BOK: variants seen among roughly 807,000 people sequenced by gnomAD.
BOK encodes the protein BCL2 family apoptosis regulator BOK.
A neutral mutation model predicts 18.3 loss-of-function variants in BOK; 20 were observed. The ratio of observed to expected loss-of-function variants is 1.09; its 90% CI spans 0.77 to 1.59. BOK has a LOEUF of 1.59. Ranked by LOEUF, BOK falls within the 40% of genes most tolerant of loss-of-function variation. The probability of loss-of-function intolerance (pLI) is 0.00; values close to 1 mark genes in which losing one functional copy is unlikely to be tolerated. For synonymous variants in BOK, 173 were observed against 142.4 expected (o/e 1.21, Z -1.53); for missense variants, 348 against 307.9 (o/e 1.13, Z -0.97).
chr2:241,551,646 C>G (rs1321043337), intron 1 of BOK, among the ~76,000 whole-genome samples: 1 of 151,516 alleles, frequency 6.6e-6, no homozygotes, highest in Non-Finnish European at 1.5e-5. Flanking sequence ...CTGCTGTTGG[C>G]TGAGTCCACT....
intron 2 of BOK, among the ~76,000 whole-genome samples, chr2:241,561,991 T>C (rs1221891749): frequency 6.6e-6 from 1 of 152,200 alleles, no homozygotes; most frequent in African/African-American, 2.4e-5. Flanking sequence ...TCCCTCCTGC[T>C]CTGGGCAGCT....
At chr2:241,569,629 G>A (rs527799087) in intron 3 of BOK, among the ~76,000 whole-genome samples, 1 of 152,056 alleles carries the variant, frequency 6.6e-6, no homozygotes, top group South Asian at 2.1e-4. Context: ...TTGAGGCGTC[G>A]TGTCCTGCCT....
Position 241,559,659 on chromosome 2 carries a change from T to TCCCGGGACGCCTGGCTGAGGTGTGCG in BOK, c.178_203dup (p.Val69ArgfsTer20), listed in dbSNP as rs1262667751. 1 of 1,384,398 alleles carries TCCCGGGACGCCTGGCTGAGGTGTGCG rather than the reference T, an allele frequency of 7.2e-7. No homozygotes were observed. Among genetic ancestry groups the TCCCGGGACGCCTGGCTGAGGTGTGCG allele is most frequent in the East Asian group, 3.0e-5 (1 of 33,002 alleles). The allele number at this position is 1,384,398 out of a possible 1,614,324, so 85.8% of individuals were successfully genotyped here. ...AGCGCGCCCGAGCGTGCCGCGCCGG[T>TCCCGGGACGCCTGGCTGAGGTGTGCG]CCCGGGACGCCTGGCTGAGGTGTGC... On this transcript the variant is annotated frameshift_variant, in exon 2 of 5. Coordinates refer to ENST00000318407, the MANE Select transcript of BOK (RefSeq NM_032515.5). LOFTEE classifies it high-confidence loss of function.
At chr2:241,564,777 C>A (rs533245465) in intron 3 of BOK, among the ~76,000 whole-genome samples, 3 of 152,158 alleles carry the variant, frequency 2.0e-5, no homozygotes, top group Admixed American at 6.5e-5. Flanking sequence ...GACGCCGGCG[C>A]GTGGGTGGCC....
At position 241,565,621 on chromosome 2, in the gene BOK, C is replaced by T. The variant is rs114604845; in HGVS notation, c.349+3145C>T. On this transcript the variant is annotated intron_variant, in intron 3 of 4. Coordinates refer to ENST00000318407, the MANE Select transcript of BOK (RefSeq NM_032515.5). ...CTTAGCAGGCGCCCTTGAGGGTGTG[C>T]GCCCTGCCCAGCCCCTCCACTGCAG... Among the ~76,000 whole-genome samples, 997 of 152,308 alleles carry T rather than the reference C, an allele frequency of 6.5e-3. 15 individuals carry two copies. Among genetic ancestry groups the T allele is most frequent in the African/African-American group, 0.023 (941 of 41,564 alleles).
At position 241,570,117 on chromosome 2, in the gene BOK, C is replaced by T; in HGVS notation, c.350-8C>T. 2 of 1,610,408 alleles carry T rather than the reference C, an allele frequency of 1.2e-6. No individual in the cohort carries two copies. The highest frequency in any genetic ancestry group is 1.7e-6 in the Non-Finnish European group (2 of 1,178,894). Reference sequence around the variant, plus strand: ...AAGTCCTGATCTTGACCATCTCTCTCCCTGCAGGCATCACGTGGGGCAAGG... The same window carrying T: ...AAGTCCTGATCTTGACCATCTCTCTTCCTGCAGGCATCACGTGGGGCAAGG... On this transcript the variant is annotated splice_region_variant and splice_polypyrimidine_tract_variant and intron_variant, in intron 3 of 4. Coordinates refer to ENST00000318407, the MANE Select transcript of BOK (RefSeq NM_032515.5).
At chr2:241,560,302 C>G (rs2066507661) in intron 2 of BOK, 7 of 980,416 alleles carry the variant, frequency 7.1e-6, no homozygotes, top group Non-Finnish European at 8.5e-6. Flanking sequence ...CCCACTGTGA[C>G]TGTCCAGTCC....
In BOK at chr2:241,562,237, G is replaced by A; in HGVS notation, c.221-111G>A. The stretch of plus-strand genomic sequence containing the variant: ...GAATCAGACAAGTGAGGAACAGGCT[G>A]GAATTCAAGCATGGTCAGGTGGGGG... On this transcript the variant is annotated intron_variant, in intron 2 of 4. Coordinates refer to ENST00000318407, the MANE Select transcript of BOK (RefSeq NM_032515.5). This position sits in a 1 kb window ranked among gnomAD's most constrained non-coding sequence, Gnocchi z 4.5. The A allele has an allele frequency of 7.3e-7, 1 of 1,366,468 alleles. No homozygotes were observed. Among genetic ancestry groups the A allele is most frequent in the Non-Finnish European group, 9.8e-7 (1 of 1,016,932 alleles). 84.6% of individuals were successfully genotyped at this position (1,366,468 alleles called of 1,614,324 possible).
rs866805421 is a variant in BOK at position 241,569,323 on chromosome 2, C to G, written c.350-802C>G. On this transcript the variant is annotated intron_variant, in intron 3 of 4. Transcript: ENST00000318407. ...ATTTTTTGTGTATTTTTAGTAGAGA[C>G]GGTTTCACCATGTTGGTCAGGCTGC... 1.4e-3 allele frequency among the ~76,000 whole-genome samples: 214 copies of G among 151,888 alleles called. 1 individual carries two copies. The highest frequency in any genetic ancestry group is 4.8e-3 in the African/African-American group (200 of 41,408).
chr2:241,571,486 G>A (rs975231525), intron 4 of BOK, among the ~76,000 whole-genome samples: 4 of 152,190 alleles, frequency 2.6e-5, no homozygotes, highest in Non-Finnish European at 5.9e-5. Flanking sequence ...AGGTCACGTG[G>A]TCTGCGGGGG....
chr2:241,556,450 G>C (rs970554556), upstream of BOK, among the ~76,000 whole-genome samples: 9 of 152,176 alleles, frequency 5.9e-5, no homozygotes, highest in Non-Finnish European at 1.2e-4. Flanking sequence ...CGGGCGTGGT[G>C]TCAGGTGCCT....
intron 2 of BOK, among the ~76,000 whole-genome samples, 191 bp downstream of exon 2, chr2:241,559,894 C>T (rs1434357426): frequency 1.3e-5 from 2 of 152,234 alleles, no homozygotes; most frequent in African/African-American, 4.8e-5. Flanking sequence ...GCCACAGGCC[C>T]CCCCATCAGC....
intron 1 of BOK, among the ~76,000 whole-genome samples, chr2:241,552,591 C>T (rs1353387972): frequency 3.3e-5 from 5 of 152,330 alleles, no homozygotes; most frequent in East Asian, 3.9e-4. Flanking sequence ...CTGAACCCTC[C>T]GTTCCCCGCC....
chr2:241,566,534 C>T (rs1164901485), intron 3 of BOK, among the ~76,000 whole-genome samples: 2 of 152,140 alleles, frequency 1.3e-5, no homozygotes, highest in South Asian at 2.1e-4. Context: ...AGGCTGGTCT[C>T]GAACTCCTGA....
chr2:241,564,011 C>A, intron 3 of BOK, among the ~76,000 whole-genome samples: 1 of 152,278 alleles, frequency 6.6e-6, no homozygotes, highest in Middle Eastern at 3.2e-3. Context: ...GGGCTGACAC[C>A]CTCGGCTGGA....
In BOK at chr2:241,562,606, A is replaced by C; in HGVS notation, c.349+130A>C. ...GCCCAGTGCCCACCGGTGCCATCTC[A>C]CTGCTGCAGGTGTCAGGAGCTGCCC... On this transcript the variant is annotated intron_variant, in intron 3 of 4. Transcript: ENST00000318407. This position sits in a 1 kb window ranked among gnomAD's most constrained non-coding sequence, Gnocchi z 4.5. 2.4e-6 allele frequency: 3 copies of C among 1,242,420 alleles called. No individual in the cohort carries two copies. The highest frequency in any genetic ancestry group is 3.2e-6 in the Non-Finnish European group (3 of 931,652). 77.0% of individuals were successfully genotyped at this position (1,242,420 alleles called of 1,614,324 possible). A position where few individuals can be genotyped will look rare whatever the true frequency, so the allele number is the denominator to read the frequency against.
At chr2:241,556,576 C>T (rs1168067470), upstream of BOK, among the ~76,000 whole-genome samples, 4 of 94,298 alleles carry the variant, frequency 4.2e-5, no homozygotes, top group Admixed American at 1.5e-4. Flanking sequence ...AGCGAGACTC[C>T]GTCTCAAAAA....
In BOK at chr2:241,553,730, T is replaced by G. The variant is rs756650892; in HGVS notation, n.54+2253T>G. Among the ~76,000 whole-genome samples, 4 of 152,118 alleles carry G rather than the reference T, an allele frequency of 2.6e-5. No homozygotes were observed. In the South Asian group the frequency reaches 8.3e-4, roughly 32 times the overall value. On this transcript the variant is annotated intron_variant and non_coding_transcript_variant, in intron 1 of 1. Transcript: ENST00000641230. ...TCCCACCAGGCCCCTCCCCCAACACTGGGGTTTACAATTTGACGGGAGATT... is the reference window on the plus strand; with the variant it reads ...TCCCACCAGGCCCCTCCCCCAACACGGGGGTTTACAATTTGACGGGAGATT...
chr2:241,568,741 C>T (rs1041112268), intron 3 of BOK, among the ~76,000 whole-genome samples: 1 of 152,244 alleles, frequency 6.6e-6, no homozygotes, highest in Non-Finnish European at 1.5e-5. Flanking sequence ...TGAGTAACAT[C>T]CACCACATTT....
Sources: allele counts gnomAD v4.1 joint callset (sites outside exome capture counted in the v4.1 genomes callset), GRCh38; gene constraint gnomAD v4.1.1; non-coding constraint Gnocchi (gnomAD v3.1); transcripts MANE v1.5; gene names NCBI Gene and HGNC (gene_info 2026-07-23, HGNC 2026-07-21).